Variants in NLK observed in about 807,000 individuals in gnomAD.
The protein encoded by NLK is serine/threonine-protein kinase NLK.
In NLK, 11 loss-of-function variants were observed where a neutral mutation model predicts 59.0. The ratio of observed to expected loss-of-function variants is 0.19; its 90% CI spans 0.12 to 0.31. The LOEUF is 0.31. Ranked by LOEUF, NLK falls within the 10% of genes least tolerant of loss-of-function variation. NLK has a pLI of 1.00. For synonymous variants in NLK, 235 were observed against 235.9 expected (o/e 1.00, Z 0.03); for missense variants, 410 against 661.1 (o/e 0.62, Z 4.16).
At chr17:28,055,888 T>G (rs1017291303) in intron 1 of NLK, among the ~76,000 whole-genome samples, 1 of 152,218 alleles carries the variant, frequency 6.6e-6, no homozygotes, top group Non-Finnish European at 1.5e-5. Flanking sequence ...GAAAAATTCA[T>G]TCAAATTCTA....
chr17:28,065,096 A>C (rs1460933226), intron 1 of NLK, among the ~76,000 whole-genome samples: 1 of 152,160 alleles, frequency 6.6e-6, no homozygotes, highest in East Asian at 1.9e-4. Context: ...TTGAATATTT[A>C]TAAACAAATT....
At chr17:28,047,975 G>A in intron 1 of NLK, 2 of 398,426 alleles carry the variant, frequency 5.0e-6, no homozygotes, top group East Asian at 7.1e-5. Context: ...AACAGCCACA[G>A]CTGGATTCTT....
At position 28,107,010 on chromosome 17, in the gene NLK, A is replaced by T. The variant is rs192928864; in HGVS notation, c.459-15593A>T. ...AATTAAAACTTTTTTTAACTTTAAA[A>T]ACTAGATTACAAAAATTAAAAACAC... On this transcript the variant is annotated intron_variant, in intron 1 of 10. Transcript: ENST00000407008. 3.9e-3 allele frequency among the ~76,000 whole-genome samples: 597 copies of T among 152,352 alleles called. 4 individuals carry two copies. Among genetic ancestry groups the T allele is most frequent in the Middle Eastern group, 0.02 (6 of 294 alleles).
At position 28,043,296 on chromosome 17, in the gene NLK, T is replaced by C. The variant is rs1319665516; in HGVS notation, c.423T>C (p.Asp141=). 1.3e-6 allele frequency: 2 copies of C among 1,596,968 alleles called. No homozygotes were observed. Among genetic ancestry groups the C allele is most frequent in the African/African-American group, 2.7e-5 (2 of 73,786 alleles). Residue 141 remains aspartate, a synonymous_variant, in exon 1 of 11, where the codon GAT becomes GAC. Transcript: ENST00000407008. ...HPQQQLDIEP[D]RPIGYGAFGV... Reference sequence around the variant, plus strand: ...AGCAGCAGCTGGATATTGAGCCGGATAGACCTATTGGATATGGAGCCTTTG... The same window carrying C: ...AGCAGCAGCTGGATATTGAGCCGGACAGACCTATTGGATATGGAGCCTTTG...
chr17:28,180,233 G>A (rs139473794), intron 7 of NLK, among the ~76,000 whole-genome samples: 11 of 152,238 alleles, frequency 7.2e-5, no homozygotes, highest in African/African-American at 2.6e-4. Flanking sequence ...AAATTTGGTG[G>A]AGGGAGAAAA....
intron 1 of NLK, among the ~76,000 whole-genome samples, chr17:28,111,900 T>TGTG (rs1905526244): frequency 8.9e-4 from 89 of 99,590 alleles, no homozygotes; most frequent in Admixed American, 1.8e-3. Context: ...GTGTGTGGTG[T>TGTG]GTGTGTGTGT....
chr17:28,062,126 A>T (rs1399898723), intron 1 of NLK: 1 of 151,872 alleles, frequency 6.6e-6, no homozygotes, highest in African/African-American at 2.4e-5. Flanking sequence ...TTAAAACTGC[A>T]TAAATAAGAC....
At position 28,185,278 on chromosome 17, in the gene NLK, T is replaced by G. The variant is rs749102906; in HGVS notation, c.1236+13T>G. ...GGTCTTTGATCCAGTAAGTAGTGTTTTTTTTTATATATTTTTAATGAATTA... is the reference window on the plus strand; with the variant it reads ...GGTCTTTGATCCAGTAAGTAGTGTTGTTTTTTATATATTTTTAATGAATTA... On this transcript the variant is annotated intron_variant, in intron 8 of 10. Coordinates refer to ENST00000407008, the MANE Select transcript of NLK (RefSeq NM_016231.5). The G allele has an allele frequency of 2.0e-6, 3 of 1,480,124 alleles. No individual in the cohort carries two copies. Among genetic ancestry groups the G allele is most frequent in the Non-Finnish European group, 2.8e-6 (3 of 1,090,878 alleles). 91.7% of individuals were successfully genotyped at this position (1,480,124 alleles called of 1,614,324 possible). A position where few individuals can be genotyped will look rare whatever the true frequency, so the allele number is the denominator to read the frequency against.
chr17:28,121,557 C>CAGTCAAG (rs1305745632), intron 1 of NLK, among the ~76,000 whole-genome samples: 1 of 114,172 alleles, frequency 8.8e-6, no homozygotes, highest in Non-Finnish European at 1.6e-5. Context: ...GGCTGGAGTG[C>CAGTCAAG]AGTCAAGAAA....
chr17:28,056,223 A>G (rs1022016239), intron 1 of NLK, among the ~76,000 whole-genome samples: 2 of 152,230 alleles, frequency 1.3e-5, no homozygotes, highest in Admixed American at 1.3e-4. Context: ...ATGAGATTTC[A>G]GTCATTTGTT....
chr17:28,129,684 G>C (rs1906438909), intron 2 of NLK, among the ~76,000 whole-genome samples: 1 of 152,134 alleles, frequency 6.6e-6, no homozygotes. Flanking sequence ...GGATTTAGCT[G>C]TGTTCCTTAT....
At chr17:28,092,746 G>GTTTTT (rs1413326496) in intron 1 of NLK, among the ~76,000 whole-genome samples, 4 of 144,092 alleles carry the variant, frequency 2.8e-5, no homozygotes, top group African/African-American at 7.9e-5. Flanking sequence ...TAAGTGGCTT[G>GTTTTT]TTTTTATTTT....
At chr17:28,139,994 G>A (rs1401684555) in intron 3 of NLK, among the ~76,000 whole-genome samples, 2 of 152,208 alleles carry the variant, frequency 1.3e-5, no homozygotes, top group Admixed American at 6.5e-5. Context: ...TAAGGAAACT[G>A]TGTGGAGAAA....
At chr17:28,151,178 G>A (rs1907465571) in intron 3 of NLK, among the ~76,000 whole-genome samples, 1 of 152,116 alleles carries the variant, frequency 6.6e-6, no homozygotes, top group South Asian at 2.1e-4. Context: ...GTCTTTTCAG[G>A]CCCTCATTTA....
chr17:28,160,426 T>C (rs1907958410), intron 3 of NLK, among the ~76,000 whole-genome samples: 1 of 152,200 alleles, frequency 6.6e-6, no homozygotes, highest in Non-Finnish European at 1.5e-5. Flanking sequence ...ACCATACTTT[T>C]GCTTCCCTAA....
intron 3 of NLK, among the ~76,000 whole-genome samples, chr17:28,155,867 CATGT>C (rs759010558): frequency 6.6e-6 from 1 of 152,102 alleles, no homozygotes; most frequent in Non-Finnish European, 1.5e-5. Context: ...CAACATGGCT[CATGT>C]ATACCTATGT....
intron 3 of NLK, among the ~76,000 whole-genome samples, chr17:28,134,672 G>A (rs1313930328): frequency 6.6e-6 from 1 of 152,152 alleles, no homozygotes; most frequent in Admixed American, 6.5e-5. Flanking sequence ...GATCCTTTAT[G>A]GAGTTAATCC....
chr17:28,130,667 G>C (rs1906479008), intron 2 of NLK, among the ~76,000 whole-genome samples: 1 of 152,106 alleles, frequency 6.6e-6, no homozygotes, highest in African/African-American at 2.4e-5. Context: ...TTTGTATAAT[G>C]GACGCTGTCA....
chr17:28,200,546 C>T (rs1318046559), downstream of NLK, among the ~76,000 whole-genome samples: 2 of 152,190 alleles, frequency 1.3e-5, no homozygotes, highest in Non-Finnish European at 1.5e-5. Flanking sequence ...TGTAGTGGCG[C>T]GATCTCAGCT....
Sources: allele counts gnomAD v4.1 joint callset (sites outside exome capture counted in the v4.1 genomes callset), GRCh38; gene constraint gnomAD v4.1.1; transcripts MANE v1.5; gene names NCBI Gene and HGNC (gene_info 2026-07-23, HGNC 2026-07-21).